Variants in CCDC83 observed in about 807,000 individuals in gnomAD.
CCDC83 encodes coiled-coil domain-containing protein 83.
Under a neutral mutation model 50.1 loss-of-function variants are expected in CCDC83, and 54 were observed. That is an observed-to-expected ratio of 1.08 (90% CI 0.87 to 1.35). The LOEUF is 1.35. CCDC83 is among the 40% of genes most tolerant of loss of function. CCDC83 has a pLI of 0.00. For missense variants in CCDC83, 518 were observed against 473.9 expected, an observed-to-expected ratio of 1.09 and a Z score of -0.86; for synonymous variants, 161 against 153.3, an observed-to-expected ratio of 1.05 and a Z score of -0.37.
chr11:85,901,811 T>C (rs1259183077), intron 7 of CCDC83, among the ~76,000 whole-genome samples: 1 of 151,716 alleles, frequency 6.6e-6, no homozygotes, highest in Non-Finnish European at 1.5e-5. Context: ...GGAGGATTGC[T>C]AGAGCCCAGG....
chr11:85,911,835 C>T (rs1021106154), intron 8 of CCDC83, among the ~76,000 whole-genome samples: 3 of 152,046 alleles, frequency 2.0e-5, no homozygotes, highest in African/African-American at 2.4e-5. Context: ...TTATTTCTTT[C>T]GGTTGAAAGA....
chr11:85,896,716 A>C (rs2093377425), intron 6 of CCDC83, among the ~76,000 whole-genome samples: 1 of 152,052 alleles, frequency 6.6e-6, no homozygotes, highest in African/African-American at 2.4e-5. Flanking sequence ...CATAATTTTC[A>C]ATCTTATATG....
rs1234181834 is a variant in CCDC83 at position 85,886,365 on chromosome 11, C to T, written c.509C>T (p.Ser170Leu). 1.3e-6 allele frequency: 2 copies of T among 1,581,728 alleles called. No individual in the cohort carries two copies. Among genetic ancestry groups the T allele is most frequent in the African/African-American group, 1.4e-5 (1 of 73,712 alleles). Reference protein sequence around the residue: ...NTVKENAEKMSEHYKITLEDT... With the variant: ...NTVKENAEKMLEHYKITLEDT... ...GTTAAAGAGAATGCAGAGAAAATGT[C>T]AGGTCAGTTGCAACAAAACTAGTTC... Residue 170 changes from serine (S) to leucine (L), a missense_variant and splice_region_variant, in exon 5 of 11, where the codon TCA becomes TTA. By Grantham distance (145) the Ser-to-Leu change is moderately radical. Transcript: ENST00000342404.
chr11:85,870,793 C>G (rs2093232716), intron 2 of CCDC83, among the ~76,000 whole-genome samples: 2 of 152,116 alleles, frequency 1.3e-5, no homozygotes, highest in Non-Finnish European at 2.9e-5. Context: ...CAATATGTTT[C>G]AATATGTTTA....
intron 3 of CCDC83, among the ~76,000 whole-genome samples, chr11:85,879,006 G>GTA (rs58663081): frequency 0.13 from 19,770 of 151,962 alleles, 1,537 homozygotes; most frequent in African/African-American, 0.22. Flanking sequence ...TGAGTTTTAC[G>GTA]TATATATATA....
intron 2 of CCDC83, among the ~76,000 whole-genome samples, chr11:85,865,485 T>G (rs998449181): frequency 2.0e-5 from 3 of 152,264 alleles, no homozygotes; most frequent in Admixed American, 6.5e-5. Context: ...CTTTCATTGA[T>G]GTACTATTGG....
intron 2 of CCDC83, among the ~76,000 whole-genome samples, chr11:85,868,372 T>A (rs2093219442): frequency 6.6e-6 from 1 of 152,174 alleles, no homozygotes; most frequent in Admixed American, 6.5e-5. Flanking sequence ...TTTATTTGGA[T>A]CAGTGATTTG....
intron 5 of CCDC83, among the ~76,000 whole-genome samples, chr11:85,889,255 G>C (rs2093340688): frequency 6.6e-6 from 1 of 152,210 alleles, no homozygotes; most frequent in South Asian, 2.1e-4. Flanking sequence ...GTGAGGCTTA[G>C]GTGGGAGGAC....
At chr11:85,880,270 GT>G (rs2093292640) in intron 3 of CCDC83, among the ~76,000 whole-genome samples, 1 of 151,990 alleles carries the variant, frequency 6.6e-6, no homozygotes, top group Admixed American at 6.6e-5. Context: ...TTTAGATCTT[GT>G]TTTATTTTTA....
intron 3 of CCDC83, among the ~76,000 whole-genome samples, chr11:85,880,114 A>G (rs1340922396): frequency 6.6e-6 from 1 of 152,166 alleles, no homozygotes; most frequent in East Asian, 1.9e-4. Flanking sequence ...TATAAATTTT[A>G]GAATTATCTT....
chr11:85,889,067 T>G (rs12291381), intron 5 of CCDC83, among the ~76,000 whole-genome samples: 1 of 152,072 alleles, frequency 6.6e-6, no homozygotes, highest in South Asian at 2.1e-4. Context: ...GTTTGGATGA[T>G]TGGGCCAGGC....
At chr11:85,881,502 A>G (rs538291389) in intron 3 of CCDC83, among the ~76,000 whole-genome samples, 1 of 152,122 alleles carries the variant, frequency 6.6e-6, no homozygotes, top group Non-Finnish European at 1.5e-5. Context: ...AGCTCACTGT[A>G]ACCTCAAACT....
chr11:85,912,652 T>G, intron 8 of CCDC83: 1 of 1,592,068 alleles, frequency 6.3e-7, no homozygotes, highest in Non-Finnish European at 8.6e-7. Context: ...TGATCAGGTA[T>G]CCAGTGCTAC....
At chr11:85,874,820 G>C (rs1177682760) in intron 3 of CCDC83, among the ~76,000 whole-genome samples, 3 of 152,120 alleles carry the variant, frequency 2.0e-5, no homozygotes, top group African/African-American at 7.2e-5. Context: ...TCCTTCAGTG[G>C]CTTCCTATTG....
intron 10 of CCDC83, 114 bp from the exon 11 acceptor site, chr11:85,919,235 G>A (rs1266183636): frequency 2.2e-6 from 2 of 922,634 alleles, no homozygotes; most frequent in African/African-American, 1.7e-5. Context: ...AGGCAATTAG[G>A]GGGCAATGAA....
chr11:85,898,558 A>T (rs1484628777), intron 6 of CCDC83, among the ~76,000 whole-genome samples: 2 of 152,236 alleles, frequency 1.3e-5, no homozygotes, highest in Non-Finnish European at 2.9e-5. Context: ...AATTAAAAAG[A>T]TAGTAATCTG....
chr11:85,867,398 T>G (rs2093213620), intron 2 of CCDC83, among the ~76,000 whole-genome samples: 1 of 152,206 alleles, frequency 6.6e-6, no homozygotes, highest in African/African-American at 2.4e-5. Context: ...ATAAAAGATG[T>G]ATGTTGTCCT....
At chr11:85,873,026 T>C (rs926393649) in intron 2 of CCDC83, among the ~76,000 whole-genome samples, 185 bp from the exon 3 acceptor site, 2 of 152,090 alleles carry the variant, frequency 1.3e-5, no homozygotes, top group African/African-American at 4.8e-5. Context: ...ACTTTGAAGT[T>C]TTCTCTCCAA....
chr11:85,859,196 C>G (rs2093161196), intron 1 of CCDC83, among the ~76,000 whole-genome samples: 1 of 138,082 alleles, frequency 7.2e-6, no homozygotes, highest in South Asian at 2.3e-4. Context: ...AGGAATACAG[C>G]TTACCAAGAA....
Sources: gnomAD v4.1 joint callset for allele counts (sites outside exome capture counted in the v4.1 genomes callset) on GRCh38, gnomAD v4.1.1 for gene constraint, MANE v1.5 for transcripts, NCBI Gene and HGNC (gene_info 2026-07-23, HGNC 2026-07-21) for gene names.